The following RPTOR variants were observed in gnomAD, a reference collection of about 807,000 sequenced individuals.
RPTOR encodes the protein regulatory associated protein of MTOR complex 1, also known as regulatory-associated protein of mTOR.
RPTOR carries 21 observed loss-of-function variants against 169.9 expected under a neutral mutation model. The observed-to-expected ratio is 0.12, with a 90% CI of 0.09 to 0.18. The LOEUF is 0.18. RPTOR is among the 10% of genes least tolerant of loss of function. The pLI is 1.00. For missense variants in RPTOR, 1,133 were observed against 1,855.9 expected (o/e 0.61, Z 7.16); for synonymous variants, 732 against 753.2 (o/e 0.97, Z 0.46).
chr17:80,920,502 G>A (rs1048233747), intron 21 of RPTOR, among the ~76,000 whole-genome samples: 1 of 152,246 alleles, frequency 6.6e-6, no homozygotes, highest in East Asian at 1.9e-4. Context: ...CAGGGGCTGC[G>A]AGAATTCATG....
intron 7 of RPTOR, among the ~76,000 whole-genome samples, chr17:80,807,393 A>G: frequency 6.6e-6 from 1 of 151,906 alleles, no homozygotes; most frequent in East Asian, 1.9e-4. Flanking sequence ...CTTGTGGCCT[A>G]GGCTGGAGTG....
chr17:80,800,150 C>T (rs191303438), intron 7 of RPTOR, among the ~76,000 whole-genome samples: 12 of 152,284 alleles, frequency 7.9e-5, no homozygotes, highest in Non-Finnish European at 1.6e-4. Context: ...TTGGCTTTTG[C>T]GACCTGGCCT....
chr17:80,928,320 C>A (rs1177511901), intron 24 of RPTOR, among the ~76,000 whole-genome samples: 1 of 152,178 alleles, frequency 6.6e-6, no homozygotes, highest in Non-Finnish European at 1.5e-5. Context: ...AATTCATCAT[C>A]TAATGACATT....
chr17:80,907,678 A>C, intron 20 of RPTOR, among the ~76,000 whole-genome samples: 1 of 151,486 alleles, frequency 6.6e-6, no homozygotes, highest in East Asian at 1.9e-4. Flanking sequence ...CCTCCACCCC[A>C]CAATCTCTGA....
In RPTOR at chr17:80,711,744, C is replaced by CTTTTTTTTTT. The variant is rs1226456124; in HGVS notation, c.507+3752_507+3761dup. ...AGTTAACATATAGTTATACATCAGT[C>CTTTTTTTTTT]TTTTTTTTTTTTTTTTGAGGTTAAG... is the stretch of plus-strand genomic sequence containing the variant. On this transcript the variant is annotated intron_variant, in intron 4 of 33. Transcript: ENST00000306801. 1.5e-3 allele frequency among the ~76,000 whole-genome samples: 132 copies of CTTTTTTTTTT among 88,822 alleles called. 28 individuals carry two copies. The highest frequency in any genetic ancestry group is 6.1e-3 in the African/African-American group (96 of 15,646). 58.3% of individuals were successfully genotyped at this position (88,822 alleles called of 152,430 possible). A position where few individuals can be genotyped will look rare whatever the true frequency, so the allele number is the denominator to read the frequency against.
rs955472481 is a variant in RPTOR, at chr17:80,594,383, C to T, written c.163-31308C>T. Among the ~76,000 whole-genome samples, 18 of 152,244 alleles carry T rather than the reference C, an allele frequency of 1.2e-4. 1 individual carries two copies. Among genetic ancestry groups the T allele is most frequent in the Admixed American group, 5.2e-4 (8 of 15,288 alleles). On this transcript the variant is annotated intron_variant, in intron 1 of 33. Transcript: ENST00000306801. ...CTGGGATTACAGGCGTGAGCCACCA[C>T]GCCCGGCCGTGCAGTTCTTTAAACG...
At chr17:80,923,760 A>AT in intron 23 of RPTOR, 87 bp downstream of exon 23, 1 of 1,392,554 alleles carries the variant, frequency 7.2e-7, no homozygotes, top group Non-Finnish European at 9.6e-7. Flanking sequence ...CAGGCTGCTC[A>AT]CATCACCATG....
chr17:80,707,799 T>G lies in RPTOR; in HGVS notation c.349-42T>G. Reference sequence around the variant, plus strand: ...TAGGGGATGAGTTCCAAGCATTCCCTGGAGTCCGTGGTAAATTTCTTCATT... The same window carrying G: ...TAGGGGATGAGTTCCAAGCATTCCCGGGAGTCCGTGGTAAATTTCTTCATT... On this transcript the variant is annotated intron_variant, in intron 3 of 33. Coordinates refer to ENST00000306801, the MANE Select transcript of RPTOR (RefSeq NM_020761.3). This position sits in a 1 kb window ranked among gnomAD's most constrained non-coding sequence, Gnocchi z 5.0. 1 of 1,593,718 alleles carries G rather than the reference T, an allele frequency of 6.3e-7. No individual in the cohort carries two copies. Among genetic ancestry groups the G allele is most frequent in the Non-Finnish European group, 8.6e-7 (1 of 1,166,378 alleles).
rs752994517 is a variant in RPTOR, at chr17:80,961,396, G to A, written c.3608G>A (p.Arg1203His). The change falls in exon 31 of 34, where the codon CGC becomes CAC. Residue 1203 changes from arginine (R) to histidine (H), a missense_variant and splice_region_variant. Transcript: ENST00000306801. ...TGAGCGTGCCCCCTCCCCTACAGCC[G>A]CGTCATGACGTACCGGGAGCACACA... ...YDRRMALSEC[R>H]VMTYREHTAW... 2 of 1,548,366 alleles carry A rather than the reference G, an allele frequency of 1.3e-6. No individual in the cohort carries two copies. The highest frequency in any genetic ancestry group is 1.7e-6 in the Non-Finnish European group (2 of 1,147,074).
intron 20 of RPTOR, among the ~76,000 whole-genome samples, chr17:80,899,006 G>T (rs927579317): frequency 1.3e-5 from 2 of 152,196 alleles, no homozygotes; most frequent in African/African-American, 4.8e-5. Flanking sequence ...GATAGAACGA[G>T]TCCAGAGCTT....
chr17:80,672,782 T>G (rs1167397389), intron 3 of RPTOR, among the ~76,000 whole-genome samples: 1 of 151,840 alleles, frequency 6.6e-6, no homozygotes, highest in African/African-American at 2.4e-5. Context: ...AGAGCGAGAC[T>G]CTGTCTCAAA....
intron 20 of RPTOR, 80 bp downstream of exon 20, chr17:80,893,945 G>A (rs2068366463): frequency 1.5e-6 from 2 of 1,369,936 alleles, no homozygotes; most frequent in Non-Finnish European, 9.7e-7. Flanking sequence ...ACCTGTGTCT[G>A]CATCAGGTCA....
intron 3 of RPTOR, among the ~76,000 whole-genome samples, chr17:80,679,501 C>G (rs80083159): frequency 2.5e-3 from 387 of 152,286 alleles, no homozygotes; most frequent in Non-Finnish European, 4.2e-3. Flanking sequence ...TAGTAAGATG[C>G]CTTTACAGGC....
intron 11 of RPTOR, 124 bp downstream of exon 11, chr17:80,846,698 C>A: frequency 1.3e-6 from 1 of 755,580 alleles, no homozygotes. Context: ...CCCAGCCCCT[C>A]TGCCCCGAAG....
chr17:80,660,976 T>TG (rs993764650), intron 3 of RPTOR, among the ~76,000 whole-genome samples: 3 of 152,154 alleles, frequency 2.0e-5, no homozygotes, highest in Admixed American at 2.0e-4. Flanking sequence ...CAGCTGCCCT[T>TG]GGGGGTTTTC....
intron 20 of RPTOR, among the ~76,000 whole-genome samples, chr17:80,902,939 G>C (rs1252971434): frequency 6.6e-6 from 1 of 152,254 alleles, no homozygotes; most frequent in African/African-American, 2.4e-5. Flanking sequence ...GACTCTGGTG[G>C]CCTGAGAAGG....
intron 3 of RPTOR, among the ~76,000 whole-genome samples, chr17:80,691,547 C>T (rs567111903): frequency 6.6e-6 from 1 of 152,238 alleles, no homozygotes; most frequent in Non-Finnish European, 1.5e-5. Flanking sequence ...CGTTCTTCAC[C>T]GATGTCCACG....
chr17:80,665,608 G>C lies in RPTOR; in HGVS notation c.348+21798G>C, dbSNP rs184333230. Among the ~76,000 whole-genome samples, 38 of 150,534 alleles carry C rather than the reference G, an allele frequency of 2.5e-4. 1 individual carries two copies. In the East Asian group the frequency reaches 6.3e-3, roughly 25 times the overall value. ...CACCCAGGCTGGAGTGCAGTGGCGT[G>C]ATCTCGGCTCACTGCAACCTCCGCC... On this transcript the variant is annotated intron_variant, in intron 3 of 33. Transcript: ENST00000306801.
In RPTOR at chr17:80,820,160, G is replaced by C. The variant is rs2067364741; in HGVS notation, c.891-2041G>C. On this transcript the variant is annotated intron_variant, in intron 7 of 33. Coordinates refer to ENST00000306801, the MANE Select transcript of RPTOR (RefSeq NM_020761.3). The surrounding 1 kb of genome is among the most constrained non-coding windows in gnomAD (Gnocchi z 4.1). Reference sequence around the variant, plus strand: ...ACTGATCCTAGGCCACAGAGCTTCGGCGTGTGGTCTGGGCGCTGTCTGTCC... The same window carrying C: ...ACTGATCCTAGGCCACAGAGCTTCGCCGTGTGGTCTGGGCGCTGTCTGTCC... Among the ~76,000 whole-genome samples the C allele has an allele frequency of 6.6e-6, 1 of 152,222 alleles. No individual in the cohort carries two copies. The highest frequency in any genetic ancestry group is 2.4e-5 in the African/African-American group (1 of 41,458).
Sources: allele counts gnomAD v4.1 joint callset (sites outside exome capture counted in the v4.1 genomes callset), GRCh38; gene constraint gnomAD v4.1.1; non-coding constraint Gnocchi (gnomAD v3.1); transcripts MANE v1.5; gene names NCBI Gene and HGNC (gene_info 2026-07-23, HGNC 2026-07-21).